MAP2K5: variants seen among roughly 807,000 people sequenced by gnomAD.
MAP2K5 encodes the protein mitogen-activated protein kinase kinase 5, also known as dual specificity mitogen-activated protein kinase kinase 5.
Under a neutral mutation model 83.1 loss-of-function variants are expected in MAP2K5, and 49 were observed. That is an observed-to-expected ratio of 0.59 (90% CI 0.47 to 0.75). The LOEUF is 0.75. Among genes scored for constraint, MAP2K5 ranks in the 30% least tolerant of loss-of-function variants. The pLI, the probability that MAP2K5 is intolerant of heterozygous loss-of-function variation, is 0.00. For synonymous variants in MAP2K5, 202 were observed against 191.8 expected (o/e 1.05, Z -0.44); for missense variants, 457 against 557.5 (o/e 0.82, Z 1.82).
In MAP2K5 at chr15:67,561,102, C is replaced by T. The variant is rs894322550; in HGVS notation, c.185-2181C>T. Among the ~76,000 whole-genome samples the T allele has an allele frequency of 2.0e-5, 3 of 152,158 alleles. No individual in the cohort carries two copies. The highest frequency in any genetic ancestry group is 2.9e-5 in the Non-Finnish European group (2 of 68,022). On this transcript the variant is annotated intron_variant, in intron 2 of 21. Coordinates refer to ENST00000178640, the MANE Select transcript of MAP2K5 (RefSeq NM_145160.3). The surrounding 1 kb of genome is among the most constrained non-coding windows in gnomAD (Gnocchi z 4.2). ...AATGAGATTTATTTTAAAAAAACTACTTTATTCAGGCTGGAATTTGTTTTT... is the reference window on the plus strand; with the variant it reads ...AATGAGATTTATTTTAAAAAAACTATTTTATTCAGGCTGGAATTTGTTTTT...
intron 3 of MAP2K5, among the ~76,000 whole-genome samples, chr15:67,569,020 CA>C (rs1174055788): frequency 2.9e-4 from 33 of 112,372 alleles, no homozygotes; most frequent in South Asian, 1.8e-3. Flanking sequence ...AAAAAAAAAA[CA>C]AAAAAAAAAA....
chr15:67,763,421 C>G (rs993108377), intron 19 of MAP2K5, among the ~76,000 whole-genome samples: 1 of 152,144 alleles, frequency 6.6e-6, no homozygotes, highest in Admixed American at 6.5e-5. Flanking sequence ...CATCTCTTTC[C>G]CACCTTTCTC....
intron 1 of MAP2K5, chr15:67,546,702 A>G: frequency 1.5e-6 from 1 of 687,178 alleles, no homozygotes; most frequent in Non-Finnish European, 1.8e-6. Context: ...GTGATGAGAG[A>G]GAATGCCCAA....
chr15:67,678,568 T>A (rs1179883377), intron 13 of MAP2K5, among the ~76,000 whole-genome samples: 1 of 152,176 alleles, frequency 6.6e-6, no homozygotes, highest in East Asian at 1.9e-4. Context: ...GCACCTGATG[T>A]GAATAGGTCA....
rs143428566 is a variant in MAP2K5, at chr15:67,637,537, G to A, written c.585+6610G>A. Among the ~76,000 whole-genome samples the A allele has an allele frequency of 0.017, 2,531 of 152,204 alleles. 26 individuals are homozygous for A. Among genetic ancestry groups the A allele is most frequent in the Admixed American group, 0.022 (337 of 15,288 alleles). The stretch of plus-strand genomic sequence containing the variant: ...CTTGCCCAGTATTAATCTGGAGATC[G>A]TTTCTTCTGAGCCTTTCTAGTGGTT... On this transcript the variant is annotated intron_variant, in intron 9 of 21. Transcript: ENST00000178640. This position sits in a 1 kb window ranked among gnomAD's most constrained non-coding sequence, Gnocchi z 4.5.
intron 6 of MAP2K5, 38 bp from the exon 7 acceptor site, chr15:67,592,888 T>G (rs761753493): frequency 1.3e-5 from 20 of 1,484,280 alleles, no homozygotes; most frequent in Non-Finnish European, 1.8e-5. Flanking sequence ...TCAGAGGTGT[T>G]GATGATCTTG....
At position 67,749,572 on chromosome 15, in the gene MAP2K5, T is replaced by C. The variant is rs1025514371; in HGVS notation, c.1134+971T>C. Among the ~76,000 whole-genome samples the C allele has an allele frequency of 5.9e-5, 9 of 151,990 alleles. No homozygotes were observed. The highest frequency in any genetic ancestry group is 7.4e-5 in the Non-Finnish European group (5 of 67,992). ...TTGGGAGAAAAAATAAAGATCCTCC[T>C]AGGAAAAAAATAAACACACACACAC... On this transcript the variant is annotated intron_variant, in intron 19 of 21. Coordinates refer to ENST00000178640, the MANE Select transcript of MAP2K5 (RefSeq NM_145160.3). This position sits in a 1 kb window ranked among gnomAD's most constrained non-coding sequence, Gnocchi z 4.6.
chr15:67,712,684 C>T (rs1348099384), intron 16 of MAP2K5, among the ~76,000 whole-genome samples: 1 of 151,984 alleles, frequency 6.6e-6, no homozygotes, highest in Non-Finnish European at 1.5e-5. Context: ...TTTAGGAGGC[C>T]GAGGCAGGCG....
chr15:67,677,332 G>A lies in MAP2K5; in HGVS notation c.847+12687G>A, dbSNP rs897946223. ...CTCAATTTCCTCCTCTGTAAAATGG[G>A]GTTAATAATAGTACCTATCTCAAGG... On this transcript the variant is annotated intron_variant, in intron 13 of 21. Transcript: ENST00000178640. This position sits in a 1 kb window ranked among gnomAD's most constrained non-coding sequence, Gnocchi z 4.2. 2.0e-5 allele frequency among the ~76,000 whole-genome samples: 3 copies of A among 152,072 alleles called. No homozygotes were observed. The highest frequency in any genetic ancestry group is 4.4e-5 in the Non-Finnish European group (3 of 68,022).
rs2141102352 is a variant in MAP2K5 at position 67,637,533 on chromosome 15, G to A, written c.585+6606G>A. Among the ~76,000 whole-genome samples, 1 of 152,248 alleles carries A rather than the reference G, an allele frequency of 6.6e-6. No homozygotes were observed. Among genetic ancestry groups the A allele is most frequent in the Non-Finnish European group, 1.5e-5 (1 of 68,018 alleles). ...TTTTCTTGCCCAGTATTAATCTGGA[G>A]ATCGTTTCTTCTGAGCCTTTCTAGT... On this transcript the variant is annotated intron_variant, in intron 9 of 21. Coordinates refer to ENST00000178640, the MANE Select transcript of MAP2K5 (RefSeq NM_145160.3). The surrounding 1 kb of genome is among the most constrained non-coding windows in gnomAD (Gnocchi z 4.5).
intron 4 of MAP2K5, among the ~76,000 whole-genome samples, chr15:67,581,582 CTAAG>C (rs1449088622): frequency 6.6e-6 from 1 of 152,200 alleles, no homozygotes; most frequent in Non-Finnish European, 1.5e-5. Context: ...AGGAAATTCT[CTAAG>C]TAACCCTTCT....
At position 67,606,025 on chromosome 15, in the gene MAP2K5, G is replaced by C. The variant is rs1248746966; in HGVS notation, c.545+5276G>C. On this transcript the variant is annotated intron_variant, in intron 8 of 21. Coordinates refer to ENST00000178640, the MANE Select transcript of MAP2K5 (RefSeq NM_145160.3). ...TCACTAGTTACTGTCTCTTTTTCTT[G>C]GGTAGTATGTCATATGGAAATAAAA... Among the ~76,000 whole-genome samples the C allele has an allele frequency of 3.3e-5, 5 of 152,096 alleles. No homozygotes were observed. The East Asian group carries it at 7.7e-4, about 23-fold the overall frequency.
intron 12 of MAP2K5, among the ~76,000 whole-genome samples, chr15:67,661,047 T>C (rs2087224339): frequency 6.6e-6 from 1 of 151,520 alleles, no homozygotes; most frequent in Non-Finnish European, 1.5e-5. Context: ...AATCTGGCCA[T>C]GCAAGGCAGG....
At chr15:67,672,875 C>A (rs2141169778) in intron 13 of MAP2K5, among the ~76,000 whole-genome samples, 1 of 151,956 alleles carries the variant, frequency 6.6e-6, no homozygotes, top group African/African-American at 2.4e-5. Context: ...CAGTTTTCTA[C>A]ATATGGCTAG....
At position 67,664,333 on chromosome 15, in the gene MAP2K5, C is replaced by CAAAA. The variant is rs11395465; in HGVS notation, c.799-246_799-243dup. 3.9e-3 allele frequency among the ~76,000 whole-genome samples: 291 copies of CAAAA among 73,764 alleles called. 9 individuals are homozygous for CAAAA. Among genetic ancestry groups the CAAAA allele is most frequent in the South Asian group, 4.8e-3 (7 of 1,464 alleles). 48.4% of individuals were successfully genotyped at this position (73,764 alleles called of 152,430 possible). A position where few individuals can be genotyped will look rare whatever the true frequency, so the allele number is the denominator to read the frequency against. ...ACATTAGTGAGATCCCTGTTTCTAC[C>CAAAA]AAAAAAAAAAAAAAAAAAAAAGCTA... is the stretch of plus-strand genomic sequence containing the variant. On this transcript the variant is annotated intron_variant, in intron 12 of 21. Transcript: ENST00000178640.
intron 12 of MAP2K5, among the ~76,000 whole-genome samples, chr15:67,663,582 G>A (rs1000599808): frequency 6.6e-5 from 10 of 152,132 alleles, no homozygotes; most frequent in African/African-American, 1.7e-4. Context: ...TTTTAAAAAT[G>A]TCTCTCCAGG....
At chr15:67,643,240 A>T (rs1675468568) in intron 9 of MAP2K5, among the ~76,000 whole-genome samples, 1 of 152,228 alleles carries the variant, frequency 6.6e-6, no homozygotes, top group African/African-American at 2.4e-5. Flanking sequence ...TCATCATAGT[A>T]GGAATAGCTG....
At chr15:67,710,498 T>A (rs1235936291) in intron 16 of MAP2K5, among the ~76,000 whole-genome samples, 3 of 15,636 alleles carry the variant, frequency 1.9e-4, no homozygotes, top group African/African-American at 8.3e-4. Context: ...TCTTCTGAAG[T>A]TTTTTTTTTT....
At chr15:67,743,349 A>G (rs1455800029) in intron 17 of MAP2K5, among the ~76,000 whole-genome samples, 1 of 152,250 alleles carries the variant, frequency 6.6e-6, no homozygotes, top group African/African-American at 2.4e-5. Flanking sequence ...ACCCACAGAC[A>G]TGATAAGAAC....
Sources: allele counts gnomAD v4.1 joint callset (sites outside exome capture counted in the v4.1 genomes callset), GRCh38; gene constraint gnomAD v4.1.1; non-coding constraint Gnocchi (gnomAD v3.1); transcripts MANE v1.5; gene names NCBI Gene and HGNC (gene_info 2026-07-23, HGNC 2026-07-21).